IQSEC1: variants seen among roughly 807,000 people sequenced by gnomAD.
IQSEC1 encodes IQ motif and Sec7 domain ArfGEF 1.
IQSEC1 carries 31 observed loss-of-function variants against 91.0 expected under a neutral mutation model. The observed-to-expected ratio is 0.34, with a 90% CI of 0.26 to 0.46. The LOEUF (loss-of-function observed/expected upper bound fraction) is 0.46. IQSEC1 is among the 20% of genes least tolerant of loss of function. The probability of loss-of-function intolerance (pLI) is 1.00; values close to 1 mark genes in which losing one functional copy is unlikely to be tolerated. For synonymous variants in IQSEC1, 699 were observed against 662.6 expected (o/e 1.05, Z -0.84); for missense variants, 1,388 against 1,575.6 (o/e 0.88, Z 2.02).
chr3:13,254,696 T>A (rs1695256501), intron 1 of IQSEC1, among the ~76,000 whole-genome samples: 1 of 152,128 alleles, frequency 6.6e-6, no homozygotes, highest in African/African-American at 2.4e-5. Context: ...TCCCTCCTCC[T>A]CCATGGACTC....
chr3:13,232,047 T>C lies in IQSEC1; in HGVS notation c.272+50664A>G, dbSNP rs573274616. Among the ~76,000 whole-genome samples the C allele has an allele frequency of 1.1e-4, 17 of 152,382 alleles. No homozygotes were observed. In the South Asian group the frequency reaches 3.3e-3, roughly 30 times the overall value. The stretch of plus-strand genomic sequence containing the variant: ...ACTGACGTGTTGAAACCTGGATTAC[T>C]TGGATCATAATTCACTTTCCTTTGC... On this transcript the variant is annotated intron_variant, in intron 1 of 15. Transcript: ENST00000648114.
At chr3:12,976,654 C>T (rs1323975928) in intron 1 of IQSEC1, among the ~76,000 whole-genome samples, 2 of 152,236 alleles carry the variant, frequency 1.3e-5, no homozygotes, top group African/African-American at 2.4e-5. Context: ...AAGCCCATCT[C>T]ACAGTCCATC....
chr3:13,255,852 C>T (rs1439803570), intron 1 of IQSEC1, among the ~76,000 whole-genome samples: 1 of 152,226 alleles, frequency 6.6e-6, no homozygotes, highest in Non-Finnish European at 1.5e-5. Context: ...TTCCAACTAG[C>T]TTCAACCTCT....
chr3:13,180,145 G>A (rs1306282733), intron 1 of IQSEC1, among the ~76,000 whole-genome samples: 1 of 152,260 alleles, frequency 6.6e-6, no homozygotes, highest in Non-Finnish European at 1.5e-5. Flanking sequence ...TGCCGCCCCA[G>A]TGCGGATCCA....
In IQSEC1 at chr3:12,909,244, G is replaced by A. The variant is rs1433337195; in HGVS notation, c.2578+29C>T. 1 of 1,608,434 alleles carries A rather than the reference G, an allele frequency of 6.2e-7. No homozygotes were observed. The highest frequency in any genetic ancestry group is 1.1e-5 in the South Asian group (1 of 90,838). ...AAGTGCCAGAGTCTGGCAAGTCTCGGCCTTCTGTCCATGAGGCCTGGTACT... is the reference window on the plus strand; with the variant it reads ...AAGTGCCAGAGTCTGGCAAGTCTCGACCTTCTGTCCATGAGGCCTGGTACT... On this transcript the variant is annotated intron_variant, in intron 11 of 13. Coordinates refer to ENST00000613206, the MANE Select transcript of IQSEC1 (RefSeq NM_001134382.3). This position sits in a 1 kb window ranked among gnomAD's most constrained non-coding sequence, Gnocchi z 4.9.
chr3:13,089,804 C>T (rs1035822121), intron 2 of IQSEC1, among the ~76,000 whole-genome samples: 8 of 152,102 alleles, frequency 5.3e-5, no homozygotes, highest in African/African-American at 9.7e-5. Flanking sequence ...TGGACGGCTG[C>T]GAATGGGTAT....
intron 1 of IQSEC1, among the ~76,000 whole-genome samples, chr3:13,051,909 A>G (rs942838846): frequency 3.3e-5 from 5 of 152,216 alleles, no homozygotes; most frequent in African/African-American, 1.2e-4. Flanking sequence ...GGCTTAAAAA[A>G]AAAAACTGTT....
At chr3:13,134,449 C>T (rs960980813) in intron 2 of IQSEC1, among the ~76,000 whole-genome samples, 1 of 152,216 alleles carries the variant, frequency 6.6e-6, no homozygotes, top group Non-Finnish European at 1.5e-5. Context: ...GGAGCCTGGG[C>T]GTCCTGGAGC....
intron 1 of IQSEC1, among the ~76,000 whole-genome samples, chr3:13,054,400 A>G (rs1704801645): frequency 6.6e-6 from 1 of 152,190 alleles, no homozygotes; most frequent in Admixed American, 6.5e-5. Flanking sequence ...CAAGGGAGGA[A>G]GCAGTGGGCA....
At chr3:13,005,455 C>A (rs1702596327) in intron 1 of IQSEC1, among the ~76,000 whole-genome samples, 1 of 152,162 alleles carries the variant, frequency 6.6e-6, no homozygotes, top group Non-Finnish European at 1.5e-5. Context: ...GCAGCTGGGC[C>A]AAGGCTGAGT....
At chr3:13,138,407 C>CAGCTT (rs1706746018) in intron 2 of IQSEC1, among the ~76,000 whole-genome samples, 2 of 151,982 alleles carry the variant, frequency 1.3e-5, no homozygotes, top group Non-Finnish European at 2.9e-5. Context: ...GGCCAGAGAC[C>CAGCTT]CTGATGCCCC....
rs573272079 is a variant in IQSEC1 at position 13,179,827 on chromosome 3, C to T, written c.273-15694G>A. ...AGCGCGAGTTCCGGGTGGGCATGGG[C>T]TCGGCGGGCCCTGCACTCAGAACGG... On this transcript the variant is annotated intron_variant, in intron 1 of 15. Transcript: ENST00000648114. Among the ~76,000 whole-genome samples, 9 of 152,340 alleles carry T rather than the reference C, an allele frequency of 5.9e-5. No individual in the cohort carries two copies. In the East Asian group the frequency reaches 1.7e-3, roughly 29 times the overall value.
chr3:13,179,336 G>T (rs1693793044), intron 1 of IQSEC1, among the ~76,000 whole-genome samples: 1 of 152,094 alleles, frequency 6.6e-6, no homozygotes, highest in Admixed American at 6.5e-5. Context: ...AAGGCAGCCA[G>T]AATAAAAAGA....
At chr3:13,196,016 T>A (rs1694117866) in intron 1 of IQSEC1, among the ~76,000 whole-genome samples, 1 of 152,200 alleles carries the variant, frequency 6.6e-6, no homozygotes, top group African/African-American at 2.4e-5. Flanking sequence ...GAAGGTTACT[T>A]TTTTAAAAAA....
intron 12 of IQSEC1, among the ~76,000 whole-genome samples, chr3:12,904,861 A>G (rs900909822): frequency 2.0e-5 from 3 of 152,190 alleles, no homozygotes; most frequent in Admixed American, 2.0e-4. Context: ...GGGGGTCCAC[A>G]TAGTGTCCCC....
intron 1 of IQSEC1, among the ~76,000 whole-genome samples, chr3:13,204,753 C>G (rs1391779041): frequency 6.6e-6 from 1 of 151,282 alleles, no homozygotes; most frequent in African/African-American, 2.4e-5. Context: ...TTCTTTCCTT[C>G]CTTCCTTCCT....
chr3:13,142,737 TA>T (rs1706822315), intron 2 of IQSEC1, among the ~76,000 whole-genome samples: 1 of 152,256 alleles, frequency 6.6e-6, no homozygotes, highest in Admixed American at 6.5e-5. Context: ...TGTCCATTGT[TA>T]TTGCAGCACA....
chr3:13,166,807 C>A (rs1297019059), intron 1 of IQSEC1, among the ~76,000 whole-genome samples: 1 of 152,190 alleles, frequency 6.6e-6, no homozygotes, highest in African/African-American at 2.4e-5. Context: ...GAAGTGTCTG[C>A]TGTGGGAAGC....
intron 1 of IQSEC1, among the ~76,000 whole-genome samples, chr3:13,015,995 A>G (rs1321101699): frequency 1.3e-5 from 2 of 152,196 alleles, no homozygotes; most frequent in Non-Finnish European, 2.9e-5. Flanking sequence ...CTGCACTGTC[A>G]CGGAGGGCCA....
Sources: gnomAD v4.1 joint callset for allele counts (sites outside exome capture counted in the v4.1 genomes callset) on GRCh38, gnomAD v4.1.1 for gene constraint, Gnocchi (gnomAD v3.1) non-coding constraint, MANE v1.5 for transcripts, NCBI Gene and HGNC (gene_info 2026-07-23, HGNC 2026-07-21) for gene names.